FCHSD2: variants seen among roughly 807,000 people sequenced by gnomAD.
FCHSD2 encodes the protein F-BAR and double SH3 domains protein 2.
Under a neutral mutation model 108.1 loss-of-function variants are expected in FCHSD2, and 38 were observed. That is an observed-to-expected ratio of 0.35 (90% CI 0.27 to 0.46). The LOEUF (loss-of-function observed/expected upper bound fraction) is 0.46. FCHSD2 is among the 20% of genes least tolerant of loss of function. FCHSD2 has a pLI of 1.00. For missense variants in FCHSD2, 751 were observed against 897.8 expected, an observed-to-expected ratio of 0.84 and a Z score of 2.09; for synonymous variants, 279 against 314.7, an observed-to-expected ratio of 0.89 and a Z score of 1.20.
intron 8 of FCHSD2, among the ~76,000 whole-genome samples, chr11:72,970,700 C>T (rs1297867617): frequency 1.3e-5 from 2 of 152,308 alleles, no homozygotes; most frequent in South Asian, 2.1e-4. Flanking sequence ...ATCCCACTCA[C>T]ATACAAAGCC....
chr11:72,896,928 G>A (rs1056639666), intron 10 of FCHSD2, among the ~76,000 whole-genome samples: 10 of 151,910 alleles, frequency 6.6e-5, no homozygotes, highest in Admixed American at 6.6e-4. Context: ...CCAGGTTCAC[G>A]CCATTCTCCT....
intron 5 of FCHSD2, among the ~76,000 whole-genome samples, chr11:72,999,316 T>C (rs1031069871): frequency 1.6e-5 from 2 of 122,830 alleles, no homozygotes; most frequent in East Asian, 4.5e-4. Flanking sequence ...CCAAAGATTC[T>C]TTTTTTTTTT....
At chr11:72,920,188 C>G (rs1355279384) in intron 9 of FCHSD2, among the ~76,000 whole-genome samples, 1 of 152,092 alleles carries the variant, frequency 6.6e-6, no homozygotes, top group Non-Finnish European at 1.5e-5. Context: ...GTCATTTTAT[C>G]TGGTTCTTGG....
chr11:73,140,937 G>A (rs957948868), intron 1 of FCHSD2, among the ~76,000 whole-genome samples: 9 of 152,224 alleles, frequency 5.9e-5, no homozygotes, highest in African/African-American at 1.9e-4. Flanking sequence ...CACTTAAATG[G>A]AGAAACCCGG....
At position 73,142,137 on chromosome 11, in the gene FCHSD2, G is replaced by A. The variant is rs952301768; in HGVS notation, c.-260C>T. The A allele has an allele frequency of 1.9e-5, 6 of 316,624 alleles. No homozygotes were observed. Among genetic ancestry groups the A allele is most frequent in the Non-Finnish European group, 3.5e-5 (6 of 172,604 alleles). The allele number at this position is 316,624 out of a possible 1,614,324, so 19.6% of individuals were successfully genotyped here. On this transcript the variant is annotated 5_prime_UTR_variant, in exon 1 of 20. Transcript: ENST00000409418. ...CCCGGGCGGCCCGGGGGTGTGTGAG[G>A]AAGGAGGCGGAGACGGCGAGGGGGC...
intron 13 of FCHSD2, among the ~76,000 whole-genome samples, chr11:72,854,359 T>C (rs879781101): frequency 6.6e-6 from 1 of 152,236 alleles, no homozygotes; most frequent in Non-Finnish European, 1.5e-5. Context: ...GTAAAATGTA[T>C]GTATATACCA....
intron 2 of FCHSD2, among the ~76,000 whole-genome samples, chr11:73,102,271 G>T (rs1280266521): frequency 1.3e-5 from 2 of 152,168 alleles, no homozygotes; most frequent in African/African-American, 4.8e-5. Context: ...ATACACTGTT[G>T]GGAGGAATGC....
intron 8 of FCHSD2, among the ~76,000 whole-genome samples, chr11:72,945,812 A>C (rs989668566): frequency 2.4e-4 from 36 of 152,336 alleles, no homozygotes; most frequent in African/African-American, 4.3e-4. Flanking sequence ...TCATCAATGG[A>C]CATCAGAGAA....
chr11:72,913,115 C>T (rs899772873), intron 9 of FCHSD2, among the ~76,000 whole-genome samples: 1 of 152,080 alleles, frequency 6.6e-6, no homozygotes, highest in South Asian at 2.1e-4. Context: ...CACTCACTAC[C>T]AAGAGAACAG....
intron 13 of FCHSD2, among the ~76,000 whole-genome samples, chr11:72,854,653 T>A (rs1565289488): frequency 6.6e-6 from 1 of 152,192 alleles, no homozygotes; most frequent in Non-Finnish European, 1.5e-5. Context: ...ACATGGGTGA[T>A]CTTTGAGGCC....
At chr11:73,033,465 G>C (rs1171662493) in intron 3 of FCHSD2, among the ~76,000 whole-genome samples, 1 of 151,908 alleles carries the variant, frequency 6.6e-6, no homozygotes, top group Non-Finnish European at 1.5e-5. Flanking sequence ...TAATCTCTAA[G>C]GTCTCCGCTT....
chr11:72,903,766 C>G (rs1420482772), intron 9 of FCHSD2, among the ~76,000 whole-genome samples: 14 of 152,090 alleles, frequency 9.2e-5, no homozygotes, highest in Admixed American at 9.2e-4. Flanking sequence ...AAAAAAAGTT[C>G]AAAGTAACTC....
chr11:73,030,530 T>C (rs1022024718), intron 3 of FCHSD2, among the ~76,000 whole-genome samples: 1 of 152,190 alleles, frequency 6.6e-6, no homozygotes. Flanking sequence ...TCAAGAATAC[T>C]GTTACGGCTT....
At chr11:73,005,205 T>A (rs188769907) in intron 4 of FCHSD2, among the ~76,000 whole-genome samples, 3 of 152,218 alleles carry the variant, frequency 2.0e-5, no homozygotes, top group Non-Finnish European at 4.4e-5. Context: ...GCCACCCTAA[T>A]GTCTGCTCTC....
chr11:72,838,628 C>A lies in FCHSD2; in HGVS notation c.*163G>T. 1.7e-6 allele frequency: 1 copy of A among 599,544 alleles called. No individual in the cohort carries two copies. The highest frequency in any genetic ancestry group is 3.0e-6 in the Non-Finnish European group (1 of 337,582). The allele number at this position is 599,544 out of a possible 1,614,324, so 37.1% of individuals were successfully genotyped here. A position where few individuals can be genotyped will look rare whatever the true frequency, so the allele number is the denominator to read the frequency against. Reference sequence around the variant, plus strand: ...ACAAAAAAAAAAGGCACGAAATATTCAAAACGTGGGAGGAGTCTACCAGGC... The same window carrying A: ...ACAAAAAAAAAAGGCACGAAATATTAAAAACGTGGGAGGAGTCTACCAGGC... On this transcript the variant is annotated 3_prime_UTR_variant, in exon 20 of 20. Transcript: ENST00000409418.
chr11:72,888,123 A>T (rs1162788965), intron 11 of FCHSD2, among the ~76,000 whole-genome samples: 1 of 152,232 alleles, frequency 6.6e-6, no homozygotes, highest in Non-Finnish European at 1.5e-5. Flanking sequence ...AGAAAACAAG[A>T]TAGCCAAGTA....
At chr11:72,862,534 A>G (rs559253461) in intron 13 of FCHSD2, among the ~76,000 whole-genome samples, 1 of 152,356 alleles carries the variant, frequency 6.6e-6, no homozygotes. Context: ...AAGGATATGC[A>G]AGATCTATCT....
intron 3 of FCHSD2, among the ~76,000 whole-genome samples, chr11:73,035,903 T>G (rs1265710789): frequency 6.6e-6 from 1 of 151,884 alleles, no homozygotes; most frequent in Non-Finnish European, 1.5e-5. Context: ...GTATTTTTAA[T>G]AGAGACAGGG....
chr11:72,900,229 T>G, intron 10 of FCHSD2: 4 of 530,604 alleles, frequency 7.5e-6, no homozygotes, highest in African/African-American at 2.1e-5. Flanking sequence ...TTCCCATCCC[T>G]CCCGCCCTTG....
Sources: allele counts gnomAD v4.1 joint callset (sites outside exome capture counted in the v4.1 genomes callset), GRCh38; gene constraint gnomAD v4.1.1; transcripts MANE v1.5; gene names NCBI Gene and HGNC (gene_info 2026-07-23, HGNC 2026-07-21).